Variants in SLC25A53 observed in about 807,000 individuals in gnomAD.
The protein encoded by SLC25A53 is mitochondrial carrier triple repeat protein 6.
A neutral mutation model predicts 15.0 loss-of-function variants in SLC25A53; 5 were observed. That is an observed-to-expected ratio of 0.33 (90% CI 0.17 to 0.70). The LOEUF (loss-of-function observed/expected upper bound fraction) is 0.70, where lower values mean the gene tolerates loss of function less well. Ranked by LOEUF, SLC25A53 falls within the 30% of genes least tolerant of loss-of-function variation. The pLI is 0.67. For missense variants in SLC25A53, 216 were observed against 241.6 expected (o/e 0.89, Z 0.70); for synonymous variants, 95 against 100.0 (o/e 0.95, Z 0.30).
intron 1 of SLC25A53, chrX:104,113,877 G>A: frequency 2.3e-6 from 1 of 436,534 alleles, no homozygotes; most frequent in East Asian, 4.1e-5. Context: ...TATTGTTAAG[G>A]CACTGGGCAG....
intron 1 of SLC25A53, among the ~76,000 whole-genome samples, chrX:104,127,963 C>CA (rs1332808375): frequency 3.0e-4 from 32 of 105,704 alleles, no homozygotes; most frequent in East Asian, 3.0e-3. Flanking sequence ...GACTCTGTCT[C>CA]AAAAAAAACA....
intron 1 of SLC25A53, among the ~76,000 whole-genome samples, chrX:104,155,819 G>A (rs1330385456): frequency 1.8e-5 from 2 of 110,590 alleles, no homozygotes; most frequent in Non-Finnish European, 3.8e-5. Context: ...CGAGGCAGGC[G>A]GATCACTTGA....
chrX:104,150,239 GA>G (rs782747085), intron 1 of SLC25A53, among the ~76,000 whole-genome samples: 126 of 51,990 alleles, frequency 2.4e-3, no homozygotes, highest in East Asian at 7.1e-3. Flanking sequence ...TCTCAAAAAA[GA>G]AAAAAAAAAA....
At position 104,107,225 on chromosome X, in the gene SLC25A53, C is replaced by T. The variant is rs1325267918; in HGVS notation, c.-31-1937G>A. On this transcript the variant is annotated intron_variant, in intron 1 of 1. Coordinates refer to ENST00000594199, the MANE Select transcript of SLC25A53 (RefSeq NM_001012755.5). ...TACCACCACGCCCCTCCCCTGGAGC[C>T]ACACTCACCTCTTGGTGGAGGCAGA... is the stretch of plus-strand genomic sequence containing the variant. Among the ~76,000 whole-genome samples the T allele has an allele frequency of 2.7e-5, 3 of 111,935 alleles. No homozygotes were observed. The Admixed American group carries it at 2.8e-4, about 11-fold the overall frequency.
At chrX:104,154,508 T>C (rs1238135182) in intron 1 of SLC25A53, among the ~76,000 whole-genome samples, 1 of 112,473 alleles carries the variant, frequency 8.9e-6, no homozygotes, top group Non-Finnish European at 1.9e-5. Flanking sequence ...TTGAAATCAG[T>C]ATGTCGAAGA....
intron 1 of SLC25A53, among the ~76,000 whole-genome samples, chrX:104,109,647 G>T (rs2075329227): frequency 8.9e-6 from 1 of 111,874 alleles, no homozygotes; most frequent in Non-Finnish European, 1.9e-5. Context: ...GTTTTCATGG[G>T]CTTTGGAGTT....
At chrX:104,141,786 C>T (rs1156956622) in intron 1 of SLC25A53, among the ~76,000 whole-genome samples, 1 of 110,905 alleles carries the variant, frequency 9.0e-6, no homozygotes, top group Non-Finnish European at 1.9e-5. Context: ...CAGGGTTTCA[C>T]CATGTTGCCC....
chrX:104,136,206 T>C (rs112195868), intron 1 of SLC25A53, among the ~76,000 whole-genome samples: 1 of 111,280 alleles, frequency 9.0e-6, no homozygotes, highest in Non-Finnish European at 1.9e-5. Context: ...TATGCATACA[T>C]ATTATATATG....
intron 1 of SLC25A53, among the ~76,000 whole-genome samples, chrX:104,108,967 C>T (rs1192226265): frequency 8.9e-6 from 1 of 111,985 alleles, no homozygotes; most frequent in Non-Finnish European, 1.9e-5. Context: ...GTGTGCTAAA[C>T]TCTACAGAAA....
At position 104,103,622 on chromosome X, in the gene SLC25A53, T is replaced by C. The variant is rs1556353803; in HGVS notation, c.*712A>G. 1 of 112,109 alleles carries C rather than the reference T, an allele frequency of 8.9e-6. No individual in the cohort carries two copies. Among genetic ancestry groups the C allele is most frequent in the African/African-American group, 3.2e-5 (1 of 30,848 alleles). 9.2% of individuals were successfully genotyped at this position (112,109 alleles called of 1,213,427 possible). A position where few individuals can be genotyped will look rare whatever the true frequency, so the allele number is the denominator to read the frequency against. Reference sequence around the variant, plus strand: ...TTGCTCTCAGAAATGTCCTAGCAGATAACACCAAGCAGACTATAGCAAATG... The same window carrying C: ...TTGCTCTCAGAAATGTCCTAGCAGACAACACCAAGCAGACTATAGCAAATG... On this transcript the variant is annotated 3_prime_UTR_variant, in exon 2 of 2. Transcript: ENST00000594199.
chrX:104,145,137 A>G (rs1219443279), intron 1 of SLC25A53, among the ~76,000 whole-genome samples: 3 of 112,440 alleles, frequency 2.7e-5, no homozygotes, highest in Admixed American at 1.9e-4. Context: ...CAATCAAATC[A>G]TAAGTCAGAA....
At chrX:104,152,535 T>C (rs918130495) in intron 1 of SLC25A53, among the ~76,000 whole-genome samples, 16 of 110,533 alleles carry the variant, frequency 1.4e-4, no homozygotes, top group African/African-American at 5.3e-4. Context: ...CCTCCCAGGT[T>C]CAAGCGATTC....
chrX:104,145,748 G>T (rs1217089002), intron 1 of SLC25A53, among the ~76,000 whole-genome samples: 2 of 111,994 alleles, frequency 1.8e-5, no homozygotes, highest in Non-Finnish European at 3.8e-5. Flanking sequence ...ACCTTCCCAA[G>T]ACCAAACCAG....
chrX:104,151,433 T>A (rs1207472394), intron 1 of SLC25A53, among the ~76,000 whole-genome samples: 1 of 111,704 alleles, frequency 9.0e-6, no homozygotes, highest in Non-Finnish European at 1.9e-5. Flanking sequence ...GACATTATCA[T>A]TACCCTTTTC....
chrX:104,132,992 G>A (rs1318579688), intron 1 of SLC25A53, among the ~76,000 whole-genome samples: 1 of 112,053 alleles, frequency 8.9e-6, no homozygotes, highest in Non-Finnish European at 1.9e-5. Flanking sequence ...TAAAAGAACT[G>A]ACTAGAGACT....
Position 104,148,748 on chromosome X carries a change from G to A in SLC25A53, c.-32+8130C>T, listed in dbSNP as rs781994873. Among the ~76,000 whole-genome samples, 26 of 110,775 alleles carry A rather than the reference G, an allele frequency of 2.3e-4. No individual in the cohort carries two copies. The South Asian group carries it at 4.9e-3, about 21-fold the overall frequency. Reference sequence around the variant, plus strand: ...ACCTAATGTAAATGATGAGCTGATAGGTGCAGCAAACCAACATGTCACATG... The same window carrying A: ...ACCTAATGTAAATGATGAGCTGATAAGTGCAGCAAACCAACATGTCACATG... On this transcript the variant is annotated intron_variant, in intron 1 of 1. Coordinates refer to ENST00000594199, the MANE Select transcript of SLC25A53 (RefSeq NM_001012755.5).
intron 1 of SLC25A53, among the ~76,000 whole-genome samples, chrX:104,142,166 G>C (rs1328442806): frequency 9.0e-6 from 1 of 110,941 alleles, no homozygotes; most frequent in Non-Finnish European, 1.9e-5. Context: ...GATTGTTTGA[G>C]CCTGGGAGTT....
intron 1 of SLC25A53, among the ~76,000 whole-genome samples, chrX:104,121,103 A>G (rs1285344982): frequency 5.3e-5 from 6 of 112,166 alleles, no homozygotes; most frequent in African/African-American, 1.9e-4. Flanking sequence ...TGTCTGTAAG[A>G]GAGATTCACC....
intron 1 of SLC25A53, among the ~76,000 whole-genome samples, chrX:104,143,212 C>G (rs782382025): frequency 5.4e-5 from 6 of 111,600 alleles, no homozygotes; most frequent in African/African-American, 2.0e-4. Context: ...AGGATCACAA[C>G]TCCTCACCAG....
Sources: gnomAD v4.1 joint callset for allele counts (sites outside exome capture counted in the v4.1 genomes callset) on GRCh38, gnomAD v4.1.1 for gene constraint, MANE v1.5 for transcripts, NCBI Gene and HGNC (gene_info 2026-07-23, HGNC 2026-07-21) for gene names.